The following TC2N variants were observed in gnomAD, a reference collection of about 807,000 sequenced individuals.
TC2N encodes the protein tandem C2 domains nuclear protein.
Under a neutral mutation model 61.9 loss-of-function variants are expected in TC2N, and 51 were observed. The ratio of observed to expected loss-of-function variants is 0.82; its 90% CI spans 0.66 to 1.04. TC2N has a LOEUF of 1.04. Ranked by LOEUF, TC2N falls within the 50% of genes least tolerant of loss-of-function variation. The pLI is 0.00. For synonymous variants in TC2N, 204 were observed against 192.6 expected, an observed-to-expected ratio of 1.06 and a Z score of -0.49; for missense variants, 556 against 566.7, an observed-to-expected ratio of 0.98 and a Z score of 0.19.
intron 1 of TC2N, among the ~76,000 whole-genome samples, chr14:91,845,197 C>T (rs1888246326): frequency 6.6e-6 from 1 of 151,932 alleles, no homozygotes; most frequent in Non-Finnish European, 1.5e-5. Flanking sequence ...CACTGCATTC[C>T]AGCCTGGGCA....
intron 1 of TC2N, among the ~76,000 whole-genome samples, chr14:91,818,758 T>A (rs1037152364): frequency 1.3e-5 from 2 of 152,160 alleles, no homozygotes; most frequent in Non-Finnish European, 2.9e-5. Context: ...CTGGATGGGA[T>A]TAATACCAGA....
intron 7 of TC2N, 42 bp from the exon 8 acceptor site, chr14:91,797,943 C>T: frequency 1.6e-6 from 2 of 1,217,246 alleles, no homozygotes. Flanking sequence ...ACAAAGGATC[C>T]AACAATACAA....
intron 3 of TC2N, among the ~76,000 whole-genome samples, chr14:91,803,402 C>T (rs1023407282): frequency 7.4e-5 from 9 of 121,662 alleles, no homozygotes; most frequent in Admixed American, 6.5e-4. Context: ...CACACACACA[C>T]GTACATACAT....
chr14:91,846,441 G>A (rs1888272631), intron 1 of TC2N, among the ~76,000 whole-genome samples: 1 of 152,042 alleles, frequency 6.6e-6, no homozygotes, highest in Admixed American at 6.5e-5. Context: ...TCAAATGCCT[G>A]GTGACAAGTC....
At chr14:91,851,712 A>T (rs1329544986) in intron 1 of TC2N, among the ~76,000 whole-genome samples, 1 of 152,212 alleles carries the variant, frequency 6.6e-6, no homozygotes. Context: ...CAAAGAAGAC[A>T]TGCAGATCCA....
chr14:91,787,141 A>AT (rs1208705621), intron 10 of TC2N, among the ~76,000 whole-genome samples: 3 of 152,214 alleles, frequency 2.0e-5, no homozygotes, highest in Admixed American at 1.3e-4. Flanking sequence ...TGATATATAT[A>AT]TTTTTTACAA....
At chr14:91,856,889 T>A (rs1888493942) in intron 1 of TC2N, among the ~76,000 whole-genome samples, 1 of 152,212 alleles carries the variant, frequency 6.6e-6, no homozygotes, top group South Asian at 2.1e-4. Flanking sequence ...AATTAGGAAA[T>A]ATCCTTCAAC....
chr14:91,789,184 T>C (rs1471632285), intron 9 of TC2N, among the ~76,000 whole-genome samples: 1 of 152,126 alleles, frequency 6.6e-6, no homozygotes, highest in Non-Finnish European at 1.5e-5. Context: ...TAGAGTTCAC[T>C]CTCATAAAAC....
chr14:91,815,932 T>C (rs10873414), intron 1 of TC2N, among the ~76,000 whole-genome samples: 130,769 of 151,590 alleles, frequency 0.86, 58,548 homozygotes, highest in Non-Finnish European at 0.97. Context: ...ATAACCATAA[T>C]AGTATTATCA....
At chr14:91,802,127 T>C (rs1886279737) in intron 4 of TC2N, 127 bp downstream of exon 4, 2 of 776,258 alleles carry the variant, frequency 2.6e-6, no homozygotes, top group Non-Finnish European at 3.7e-6. Flanking sequence ...ATCACATTTA[T>C]GAAGCTTGTT....
At chr14:91,845,617 T>A (rs1888255431) in intron 1 of TC2N, among the ~76,000 whole-genome samples, 1 of 152,232 alleles carries the variant, frequency 6.6e-6, no homozygotes, top group Non-Finnish European at 1.5e-5. Context: ...GGGAATGGTA[T>A]TCTATTCCTA....
chr14:91,825,262 A>G (rs1373914024), intron 1 of TC2N, among the ~76,000 whole-genome samples: 2 of 151,628 alleles, frequency 1.3e-5, no homozygotes, highest in Non-Finnish European at 2.9e-5. Flanking sequence ...TTGAACTCCT[A>G]ACCTCGTGAT....
chr14:91,823,813 T>C (rs1418043315), intron 1 of TC2N, among the ~76,000 whole-genome samples: 1 of 152,188 alleles, frequency 6.6e-6, no homozygotes, highest in Admixed American at 6.5e-5. Flanking sequence ...TCCAATCCTG[T>C]AACTTTCACT....
At chr14:91,803,609 C>T (rs145287295) in intron 3 of TC2N, among the ~76,000 whole-genome samples, 1,960 of 151,994 alleles carry the variant, frequency 0.013, 15 homozygotes, top group Middle Eastern at 0.02. Context: ...CACGCCACCA[C>T]GCCAGCTAAG....
chr14:91,840,528 C>A (rs1283798199), intron 1 of TC2N, among the ~76,000 whole-genome samples: 1 of 152,194 alleles, frequency 6.6e-6, no homozygotes, highest in East Asian at 1.9e-4. Flanking sequence ...TGAAAACAAG[C>A]ACAGAGTCAC....
At chr14:91,788,345 A>C (rs1315640407) in intron 9 of TC2N, among the ~76,000 whole-genome samples, 1 of 152,214 alleles carries the variant, frequency 6.6e-6, no homozygotes, top group African/African-American at 2.4e-5. Flanking sequence ...CACAAGCCAG[A>C]CTACTTAGGT....
At chr14:91,793,996 C>T (rs1428037859) in intron 8 of TC2N, among the ~76,000 whole-genome samples, 3 of 152,178 alleles carry the variant, frequency 2.0e-5, no homozygotes, top group South Asian at 4.1e-4. Context: ...AAACATGCTA[C>T]TCCAGTGAAT....
Position 91,785,192 on chromosome 14 carries a change from G to A in TC2N, c.1332C>T (p.Ser444=). The A allele has an allele frequency of 6.2e-7, 1 of 1,613,338 alleles. No individual in the cohort carries two copies. The highest frequency in any genetic ancestry group is 2.2e-5 in the East Asian group (1 of 44,814). Reference sequence around the variant, plus strand: ...CCACAAAGTGTTTTCTTCTTACAGAGCTTCGACTGTAAAGCTTAATGAGAA... The same window carrying A: ...CCACAAAGTGTTTTCTTCTTACAGAACTTCGACTGTAAAGCTTAATGAGAA... ...IVFLIKLYSR[S]SVRRKHFVGQ... is the part of the protein sequence containing the mutation. Residue 444 remains serine, a synonymous_variant, in exon 11 of 12, where the codon AGC becomes AGT. Transcript: ENST00000435962.
chr14:91,821,720 G>C (rs1168984591), intron 1 of TC2N, among the ~76,000 whole-genome samples: 1 of 152,040 alleles, frequency 6.6e-6, no homozygotes. Context: ...ACCACTCGGA[G>C]ACTGAGAGAA....
Sources: allele counts gnomAD v4.1 joint callset (sites outside exome capture counted in the v4.1 genomes callset), GRCh38; gene constraint gnomAD v4.1.1; transcripts MANE v1.5; gene names NCBI Gene and HGNC (gene_info 2026-07-23, HGNC 2026-07-21).